The following CPLANE1 variants were observed in gnomAD, a reference collection of about 807,000 sequenced individuals.
The protein encoded by CPLANE1 is ciliogenesis and planar polarity effector 1.
CPLANE1 carries 263 observed loss-of-function variants against 362.5 expected under a neutral mutation model. The observed-to-expected ratio is 0.73, with a 90% CI of 0.66 to 0.80. The LOEUF is 0.80. Ranked by LOEUF, CPLANE1 falls within the 30% of genes least tolerant of loss-of-function variation. The pLI is 0.00. For synonymous variants in CPLANE1, 1,212 were observed against 1,302.6 expected, an observed-to-expected ratio of 0.93 and a Z score of 1.50; for missense variants, 3,461 against 3,793.4, an observed-to-expected ratio of 0.91 and a Z score of 2.30.
At chr5:37,149,565 G>C (rs1362562069) in intron 42 of CPLANE1, among the ~76,000 whole-genome samples, 1 of 152,050 alleles carries the variant, frequency 6.6e-6, no homozygotes, top group Non-Finnish European at 1.5e-5. Flanking sequence ...TGTATACTAT[G>C]TTTTTTTCTA....
At chr5:37,078,513 G>C in the CPLANE1 span, among the ~76,000 whole-genome samples, 1 of 152,100 alleles carries the variant, frequency 6.6e-6, no homozygotes, top group Admixed American at 6.5e-5. Context: ...GTGAACATAC[G>C]CATCCATGTA....
At chr5:37,215,141 C>G (rs919964896) in intron 15 of CPLANE1, among the ~76,000 whole-genome samples, 1 of 152,154 alleles carries the variant, frequency 6.6e-6, no homozygotes, top group Non-Finnish European at 1.5e-5. Flanking sequence ...ACCTCGCCTT[C>G]TGGGTTCAAG....
chr5:37,165,951 C>A (rs1279568506), intron 35 of CPLANE1, among the ~76,000 whole-genome samples: 1 of 152,180 alleles, frequency 6.6e-6, no homozygotes, highest in Non-Finnish European at 1.5e-5. Flanking sequence ...TTATTAAACT[C>A]TCTTTTCTGT....
chr5:37,237,716 G>A (rs921770681), intron 8 of CPLANE1, among the ~76,000 whole-genome samples: 7 of 152,238 alleles, frequency 4.6e-5, no homozygotes, highest in Non-Finnish European at 8.8e-5. Flanking sequence ...CGGGCATGGT[G>A]ACGGGCGCCT....
the CPLANE1 span, among the ~76,000 whole-genome samples, chr5:37,079,552 G>A: frequency 2.6e-5 from 4 of 152,140 alleles, no homozygotes; most frequent in African/African-American, 9.7e-5. Context: ...CACATATATA[G>A]GCACAAGCTG....
chr5:37,129,934 ACTT>A (rs1416151988), intron 46 of CPLANE1, among the ~76,000 whole-genome samples: 1 of 152,258 alleles, frequency 6.6e-6, no homozygotes, highest in African/African-American at 2.4e-5. Flanking sequence ...TGAAAAAGAT[ACTT>A]ACACACGCAT....
intron 43 of CPLANE1, among the ~76,000 whole-genome samples, chr5:37,144,367 C>T (rs1033244660): frequency 6.9e-6 from 1 of 144,098 alleles, no homozygotes; most frequent in African/African-American, 2.6e-5. Flanking sequence ...GAGATCGCAC[C>T]ACTGCACTCC....
At chr5:37,119,373 T>TA (rs941683833) in intron 50 of CPLANE1, among the ~76,000 whole-genome samples, 19 of 151,952 alleles carry the variant, frequency 1.3e-4, no homozygotes, top group East Asian at 5.8e-4. Context: ...TCAATGTTAT[T>TA]AAAAAAAAGC....
chr5:37,107,833 C>G, intron 52 of CPLANE1, 55 bp from the exon 53 acceptor site: 1 of 1,471,326 alleles, frequency 6.8e-7, no homozygotes, highest in Non-Finnish European at 9.0e-7. Flanking sequence ...AACAAAAAAA[C>G]AAAAACAAAA....
intron 21 of CPLANE1, 89 bp downstream of exon 21, chr5:37,195,769 T>C (rs992588599): frequency 2.3e-6 from 3 of 1,279,976 alleles, no homozygotes; most frequent in African/African-American, 3.0e-5. Flanking sequence ...TCAGAGCATA[T>C]TGTACTTTGA....
chr5:37,104,883 A>G (rs1421600205), downstream of CPLANE1, among the ~76,000 whole-genome samples: 1 of 152,180 alleles, frequency 6.6e-6, no homozygotes. Context: ...AGATTGTGCC[A>G]TTGCACTCCA....
chr5:37,141,410 A>C (rs1257326997), intron 44 of CPLANE1: 1 of 985,280 alleles, frequency 1.0e-6, no homozygotes, highest in South Asian at 4.7e-5. Flanking sequence ...CAGATGCTTT[A>C]TATATGATAC....
At chr5:37,142,926 T>C (rs1770234907) in intron 43 of CPLANE1, among the ~76,000 whole-genome samples, 1 of 152,180 alleles carries the variant, frequency 6.6e-6, no homozygotes, top group African/African-American at 2.4e-5. Flanking sequence ...CCTTCATGTA[T>C]CTTAGAGCAC....
At chr5:37,193,595 C>T (rs1786294905) in intron 21 of CPLANE1, among the ~76,000 whole-genome samples, 1 of 151,456 alleles carries the variant, frequency 6.6e-6, no homozygotes, top group Non-Finnish European at 1.5e-5. Flanking sequence ...ATGGAGGTTA[C>T]AGTGAGCCGA....
intron 43 of CPLANE1, among the ~76,000 whole-genome samples, chr5:37,147,729 T>C (rs182962082): frequency 5.4e-4 from 82 of 151,990 alleles, no homozygotes; most frequent in African/African-American, 1.9e-3. Context: ...TAAAAACAAC[T>C]ATTCTAATTT....
At chr5:37,098,368 G>A in the CPLANE1 span, among the ~76,000 whole-genome samples, 1 of 126,188 alleles carries the variant, frequency 7.9e-6, no homozygotes, top group Admixed American at 9.0e-5. Flanking sequence ...TCCAGCCTGG[G>A]TGACAGAGCA....
At chr5:37,208,548 G>T (rs1034586714) in intron 16 of CPLANE1, among the ~76,000 whole-genome samples, 12 of 152,028 alleles carry the variant, frequency 7.9e-5, no homozygotes, top group Non-Finnish European at 1.5e-4. Flanking sequence ...GAGGTGGTGG[G>T]CGCCTGTAGT....
At chr5:37,144,038 T>G (rs961465052) in intron 43 of CPLANE1, among the ~76,000 whole-genome samples, 3 of 151,482 alleles carry the variant, frequency 2.0e-5, no homozygotes, top group African/African-American at 7.3e-5. Context: ...AAGCAGTACT[T>G]CAAAATATTA....
intron 8 of CPLANE1, among the ~76,000 whole-genome samples, chr5:37,231,918 A>G (rs1210672227): frequency 3.3e-5 from 5 of 152,196 alleles, no homozygotes; most frequent in African/African-American, 1.2e-4. Flanking sequence ...CAAAAAGACC[A>G]CTGAACTGAG....
Sources: allele counts gnomAD v4.1 joint callset (sites outside exome capture counted in the v4.1 genomes callset), GRCh38; gene constraint gnomAD v4.1.1; transcripts MANE v1.5; gene names NCBI Gene and HGNC (gene_info 2026-07-23, HGNC 2026-07-21).